TNR: variants seen among roughly 807,000 people sequenced by gnomAD.
TNR encodes the protein tenascin-R.
A neutral mutation model predicts 150.4 loss-of-function variants in TNR; 45 were observed. The ratio of observed to expected loss-of-function variants is 0.30; its 90% confidence interval spans 0.24 to 0.38. The LOEUF (loss-of-function observed/expected upper bound fraction) is 0.38. TNR is among the 10% of genes least tolerant of loss of function. The probability of loss-of-function intolerance (pLI) is 1.00; values close to 1 mark genes in which losing one functional copy is unlikely to be tolerated. For synonymous variants in TNR, 687 were observed against 678.4 expected, an observed-to-expected ratio of 1.01 and a Z score of -0.20; for missense variants, 1,544 against 1,759.1, an observed-to-expected ratio of 0.88 and a Z score of 2.19.
chr1:175,640,709 C>G (rs372392493), intron 1 of TNR, among the ~76,000 whole-genome samples: 2 of 151,676 alleles, frequency 1.3e-5, no homozygotes, highest in African/African-American at 4.9e-5. Flanking sequence ...TTTAAAGTAC[C>G]TGGGCTAAGT....
intron 2 of TNR, among the ~76,000 whole-genome samples, chr1:175,419,852 A>G (rs148838356): frequency 6.6e-6 from 1 of 152,136 alleles, no homozygotes; most frequent in African/African-American, 2.4e-5. Flanking sequence ...TTTGCAGTGC[A>G]CTGCTGTGTG....
intron 18 of TNR, among the ~76,000 whole-genome samples, chr1:175,340,024 G>C (rs529528200): frequency 6.6e-6 from 1 of 152,258 alleles, no homozygotes; most frequent in Non-Finnish European, 1.5e-5. Flanking sequence ...GGGGAGTTTT[G>C]AATACCTGAA....
chr1:175,646,507 G>T (rs1664814253), intron 1 of TNR, among the ~76,000 whole-genome samples: 1 of 152,180 alleles, frequency 6.6e-6, no homozygotes, highest in African/African-American at 2.4e-5. Flanking sequence ...TTACCCTTAA[G>T]ACGTTGCTGT....
At chr1:175,569,322 C>G (rs914328924) in intron 1 of TNR, among the ~76,000 whole-genome samples, 2 of 152,178 alleles carry the variant, frequency 1.3e-5, no homozygotes, top group African/African-American at 4.8e-5. Flanking sequence ...TCAGTCTGAC[C>G]AGCAGAGGGC....
chr1:175,425,103 T>C (rs1654914394), intron 2 of TNR, among the ~76,000 whole-genome samples: 1 of 152,052 alleles, frequency 6.6e-6, no homozygotes, highest in South Asian at 2.1e-4. Flanking sequence ...ATGAAACCAC[T>C]GTCGAAGACC....
At chr1:175,704,242 G>A (rs961191669) in intron 1 of TNR, among the ~76,000 whole-genome samples, 2 of 152,238 alleles carry the variant, frequency 1.3e-5, no homozygotes, top group Non-Finnish European at 2.9e-5. Context: ...TAATAAACGA[G>A]TTGTGACTTA....
intron 19 of TNR, among the ~76,000 whole-genome samples, chr1:175,336,285 G>A (rs751208074): frequency 4.6e-5 from 7 of 152,260 alleles, no homozygotes; most frequent in Non-Finnish European, 8.8e-5. Flanking sequence ...AGCTGTTTAA[G>A]TGCTTATTTT....
At position 175,322,895 on chromosome 1, in the gene TNR, G is replaced by T. The variant is rs1191724137; in HGVS notation, c.*462C>A. On this transcript the variant is annotated 3_prime_UTR_variant, in exon 23 of 23. Transcript: ENST00000367674. ...GTAGTTGATCTGTTTCCTTTTAAGGGGAATTGTTGGCAAAACTCTCTTGCT... is the reference window on the plus strand; with the variant it reads ...GTAGTTGATCTGTTTCCTTTTAAGGTGAATTGTTGGCAAAACTCTCTTGCT... 6.5e-6 allele frequency: 1 copy of T among 152,800 alleles called. No homozygotes were observed. Among genetic ancestry groups the T allele is most frequent in the Admixed American group, 6.5e-5 (1 of 15,304 alleles). 9.5% of individuals were successfully genotyped at this position (152,800 alleles called of 1,614,324 possible).
chr1:175,327,290 G>C (rs1649456397), intron 21 of TNR, among the ~76,000 whole-genome samples: 1 of 151,998 alleles, frequency 6.6e-6, no homozygotes, highest in East Asian at 1.9e-4. Flanking sequence ...GCCTCATATA[G>C]CCACCTCATG....
At chr1:175,385,921 GCT>G in intron 8 of TNR, 109 bp downstream of exon 8, 1 of 1,289,116 alleles carries the variant, frequency 7.8e-7, no homozygotes, top group Non-Finnish European at 1.1e-6. Flanking sequence ...CAAGGCCAAT[GCT>G]CTGACACACC....
intron 1 of TNR, among the ~76,000 whole-genome samples, chr1:175,737,224 G>T (rs1231367074): frequency 2.0e-5 from 3 of 152,130 alleles, no homozygotes; most frequent in Non-Finnish European, 4.4e-5. Flanking sequence ...CTGATTTTCT[G>T]TTGGTTCTGT....
intron 2 of TNR, among the ~76,000 whole-genome samples, chr1:175,426,050 C>T (rs1272244600): frequency 6.6e-6 from 1 of 152,124 alleles, no homozygotes; most frequent in Non-Finnish European, 1.5e-5. Context: ...GGAACTGGAC[C>T]TTTGGCTGCT....
At chr1:175,413,761 A>C (rs1654314775) in intron 2 of TNR, among the ~76,000 whole-genome samples, 2 of 152,226 alleles carry the variant, frequency 1.3e-5, no homozygotes, top group East Asian at 1.9e-4. Context: ...AGAGGATGGC[A>C]TTAGGAGGTA....
At chr1:175,451,838 A>G (rs543753667) in intron 2 of TNR, among the ~76,000 whole-genome samples, 2 of 152,282 alleles carry the variant, frequency 1.3e-5, no homozygotes, top group East Asian at 1.9e-4. Context: ...CTCTCCTTAT[A>G]TGTTATATGG....
intron 2 of TNR, among the ~76,000 whole-genome samples, chr1:175,448,699 G>A (rs555321887): frequency 2.0e-5 from 3 of 152,350 alleles, no homozygotes; most frequent in Admixed American, 2.0e-4. Context: ...CACCCTCCCA[G>A]GTGGGTAGCA....
chr1:175,616,249 C>T (rs1663769876), intron 1 of TNR, among the ~76,000 whole-genome samples: 1 of 152,136 alleles, frequency 6.6e-6, no homozygotes, highest in South Asian at 2.1e-4. Flanking sequence ...TGCTCATGGC[C>T]CTGTGTTCAT....
intron 1 of TNR, among the ~76,000 whole-genome samples, chr1:175,535,442 TA>T (rs754814803): frequency 9.1e-5 from 11 of 120,378 alleles, no homozygotes; most frequent in African/African-American, 2.8e-4. Flanking sequence ...TTTATTTATT[TA>T]TTTTTTGTTG....
At chr1:175,646,509 C>G (rs765235627) in intron 1 of TNR, among the ~76,000 whole-genome samples, 2 of 152,174 alleles carry the variant, frequency 1.3e-5, no homozygotes. Context: ...ACCCTTAAGA[C>G]GTTGCTGTTA....
At chr1:175,493,660 T>C (rs1184879091) in intron 2 of TNR, among the ~76,000 whole-genome samples, 1 of 152,190 alleles carries the variant, frequency 6.6e-6, no homozygotes, top group African/African-American at 2.4e-5. Context: ...ACCTTTCCAT[T>C]CCCGACTCCG....
Sources: gnomAD v4.1 joint callset for allele counts (sites outside exome capture counted in the v4.1 genomes callset) on GRCh38, gnomAD v4.1.1 for gene constraint, MANE v1.5 for transcripts, NCBI Gene and HGNC (gene_info 2026-07-23, HGNC 2026-07-21) for gene names.